The following RAVER1 variants were observed in gnomAD, a reference collection of about 807,000 sequenced individuals.
The protein encoded by RAVER1 is ribonucleoprotein PTB-binding 1.
In RAVER1, 36 loss-of-function variants were observed where a neutral mutation model predicts 68.4. The ratio of observed to expected loss-of-function variants is 0.53; its 90% confidence interval spans 0.40 to 0.70. The LOEUF is 0.70. RAVER1 is among the 30% of genes least tolerant of loss of function. The pLI is 0.00. For missense variants in RAVER1, 933 were observed against 1,019.8 expected (o/e 0.91, Z 1.16); for synonymous variants, 469 against 472.7 (o/e 0.99, Z 0.10).
At position 10,328,571 on chromosome 19, in the gene RAVER1, G is replaced by T; in HGVS notation, c.756+71C>A. 2.0e-6 allele frequency: 2 copies of T among 1,009,608 alleles called. No homozygotes were observed. The highest frequency in any genetic ancestry group is 1.7e-5 in the South Asian group (1 of 60,088). 62.5% of individuals were successfully genotyped at this position (1,009,608 alleles called of 1,614,324 possible). ...TCTCAAAAAAAAAAAAGAAAAGGCA[G>T]ATGACTCCAAAGACTCTCTCAGGTG... On this transcript the variant is annotated intron_variant, in intron 3 of 12. Transcript: ENST00000617231. The surrounding 1 kb of genome is among the most constrained non-coding windows in gnomAD (Gnocchi z 4.4).
At chr19:10,332,394 T>G (rs940036962) in intron 1 of RAVER1, among the ~76,000 whole-genome samples, 2 of 152,198 alleles carry the variant, frequency 1.3e-5, no homozygotes, top group African/African-American at 4.8e-5. Context: ...GCTGAGAGAC[T>G]GCAGACACTG....
At chr19:10,325,148 GTAGCTGGGAT>G in intron 3 of RAVER1, among the ~76,000 whole-genome samples, 1 of 152,072 alleles carries the variant, frequency 6.6e-6, no homozygotes, top group East Asian at 1.9e-4. Context: ...AGCTTCCCGA[GTAGCTGGGAT>G]TAAAGGCACC....
chr19:10,330,365 G>A (rs544101240), intron 2 of RAVER1, 95 bp downstream of exon 2: 1 of 658,648 alleles, frequency 1.5e-6, no homozygotes, highest in South Asian at 1.7e-5. Flanking sequence ...GGGCAATACT[G>A]GGCCTGAAGC....
At chr19:10,318,118 C>T (rs1599297449) in intron 11 of RAVER1, 111 bp downstream of exon 11, 1 of 940,642 alleles carries the variant, frequency 1.1e-6, no homozygotes, top group Non-Finnish European at 1.6e-6. Flanking sequence ...CCAACCCCTG[C>T]CACCACCCCA....
intron 3 of RAVER1, among the ~76,000 whole-genome samples, chr19:10,325,637 C>T (rs185363922): frequency 1.7e-3 from 262 of 152,222 alleles, no homozygotes; most frequent in African/African-American, 5.8e-3. Flanking sequence ...CCACTGTGCC[C>T]GGCCTCTACA....
Position 10,322,030 on chromosome 19 carries a change from A to G in RAVER1, c.1174-412T>C, listed in dbSNP as rs1032695581. The G allele has an allele frequency of 1.2e-5, 2 of 164,298 alleles. No individual in the cohort carries two copies. Among genetic ancestry groups the G allele is most frequent in the African/African-American group, 4.8e-5 (2 of 41,622 alleles). 10.2% of individuals were successfully genotyped at this position (164,298 alleles called of 1,614,324 possible). Reference sequence around the variant, plus strand: ...CAGGACGGAGCATGGGTGTATGTCTATGTGTGTGTGTGTCTGTGTGTGTGT... The same window carrying G: ...CAGGACGGAGCATGGGTGTATGTCTGTGTGTGTGTGTGTCTGTGTGTGTGT... On this transcript the variant is annotated intron_variant, in intron 6 of 12. Transcript: ENST00000617231. The surrounding 1 kb of genome is among the most constrained non-coding windows in gnomAD (Gnocchi z 4.3).
In RAVER1 at chr19:10,333,436, G is replaced by T. The variant is rs561755740; in HGVS notation, c.72C>A (p.Gly24=). 5 of 1,613,056 alleles carry T rather than the reference G, an allele frequency of 3.1e-6. No individual in the cohort carries two copies. The highest frequency in any genetic ancestry group is 1.1e-5 in the South Asian group (1 of 91,082). ...CCGGCGCCCGGCGCTCCGCGGCATC[G>T]CCGGCTTCGACTTCGGCCCCAGACT... The part of the protein sequence containing the change: ...SPKSGAEVEA[G]DAAERRAPEE... Residue 24 remains glycine, a synonymous_variant, in exon 1 of 13, where the codon GGC becomes GGA. Transcript: ENST00000617231. This position sits in a 1 kb window ranked among gnomAD's most constrained non-coding sequence, Gnocchi z 4.2.
intron 1 of RAVER1, among the ~76,000 whole-genome samples, chr19:10,331,110 G>A (rs906829978): frequency 3.3e-5 from 5 of 151,022 alleles, no homozygotes; most frequent in African/African-American, 1.2e-4. Context: ...AGCACTTTGG[G>A]AGGCCGAGGC....
chr19:10,324,886 T>C (rs1432422992), intron 3 of RAVER1, among the ~76,000 whole-genome samples: 3 of 152,166 alleles, frequency 2.0e-5, no homozygotes, highest in Admixed American at 6.5e-5. Context: ...CATCAGATGC[T>C]CAACAAATGT....
chr19:10,320,985 C>G, intron 8 of RAVER1, 34 bp from the exon 9 acceptor site: 1 of 1,483,928 alleles, frequency 6.7e-7, no homozygotes, highest in South Asian at 1.4e-5. Context: ...AGAGGGCCCC[C>G]GGGAGAGGGA....
chr19:10,319,464 C>T (rs1313084603), intron 9 of RAVER1, among the ~76,000 whole-genome samples: 1 of 152,262 alleles, frequency 6.6e-6, no homozygotes, highest in Non-Finnish European at 1.5e-5. Flanking sequence ...GCTGGGAATT[C>T]GAGCTGTGTG....
chr19:10,319,031 T>G, intron 10 of RAVER1, 135 bp downstream of exon 10: 80 of 754,802 alleles, frequency 1.1e-4, no homozygotes, highest in Non-Finnish European at 1.5e-4. Context: ...GGCAACACAG[T>G]GAGATCCTGT....
At position 10,332,144 on chromosome 19, in the gene RAVER1, A is replaced by G. The variant is rs531053924; in HGVS notation, c.219+1145T>C. Among the ~76,000 whole-genome samples, 4 of 152,184 alleles carry G rather than the reference A, an allele frequency of 2.6e-5. No homozygotes were observed. The South Asian group carries it at 8.3e-4, about 32-fold the overall frequency. ...TGCGTAGCTGGGACTACAGGCACGC[A>G]CCACCATGCCTGGCTAATTTTTAAA... is the stretch of plus-strand genomic sequence containing the variant. On this transcript the variant is annotated intron_variant, in intron 1 of 12. Transcript: ENST00000617231.
chr19:10,321,359 C>T, intron 7 of RAVER1, 100 bp from the exon 8 acceptor site: 3 of 801,684 alleles, frequency 3.7e-6, no homozygotes, highest in Non-Finnish European at 5.1e-6. Flanking sequence ...GGTCAAGAGA[C>T]AAATCCATGC....
At position 10,329,135 on chromosome 19, in the gene RAVER1, G is replaced by A. The variant is rs540487774; in HGVS notation, c.287-24C>T. On this transcript the variant is annotated intron_variant, in intron 2 of 12. Coordinates refer to ENST00000617231, the MANE Select transcript of RAVER1 (RefSeq NM_133452.3). The surrounding 1 kb of genome is among the most constrained non-coding windows in gnomAD (Gnocchi z 4.6). ...GGCTGCGGTGGGAGGAGGGCAGTGCGAGGTCAGCCGGGCCCTGAGGGCCTG... is the reference window on the plus strand; with the variant it reads ...GGCTGCGGTGGGAGGAGGGCAGTGCAAGGTCAGCCGGGCCCTGAGGGCCTG... 1.8e-5 allele frequency: 25 copies of A among 1,398,618 alleles called. No homozygotes were observed. Among genetic ancestry groups the A allele is most frequent in the African/African-American group, 2.9e-5 (2 of 68,878 alleles). 86.6% of individuals were successfully genotyped at this position (1,398,618 alleles called of 1,614,324 possible).
At position 10,333,365 on chromosome 19, in the gene RAVER1, A is replaced by C. The variant is rs1020533578; in HGVS notation, c.143T>G (p.Leu48Arg). The C allele has an allele frequency of 8.7e-6, 14 of 1,613,878 alleles. No individual in the cohort carries two copies. The highest frequency in any genetic ancestry group is 1.2e-5 in the Non-Finnish European group (14 of 1,179,810). ...ACGGAACTGGCGCTCGGTGTGTTCC[A>C]GGCGTTTCCGGATCTCTTCTGGATC... is the stretch of plus-strand genomic sequence containing the variant. ...PLDPEEIRKRLEHTERQFRNR... is the reference protein window; with the variant it reads ...PLDPEEIRKRREHTERQFRNR... The change falls in exon 1 of 13, where the codon CTG (leucine) becomes CGG (arginine). Residue 48 changes from leucine to arginine, a missense_variant. By Grantham distance (102) the Leu-to-Arg change is moderately radical. Transcript: ENST00000617231. The surrounding 1 kb of genome is among the most constrained non-coding windows in gnomAD (Gnocchi z 4.2).
Position 10,320,676 on chromosome 19 carries a change from G to A in RAVER1, c.1749C>T (p.Ser583=). 6.4e-7 allele frequency: 1 copy of A among 1,556,426 alleles called. No individual in the cohort carries two copies. Among genetic ancestry groups the A allele is most frequent in the Non-Finnish European group, 8.7e-7 (1 of 1,155,262 alleles). The change falls in exon 9 of 13, where the codon AGC becomes AGT. Residue 583 remains serine, a synonymous_variant. Coordinates refer to ENST00000617231, the MANE Select transcript of RAVER1 (RefSeq NM_133452.3). ...TCACCGAGGGGTAGTCGAAGCTGTA[G>A]CTGTCAGACAGTCCTGGTTCGGGGG... ...RLPPEPGLSD[S]YSFDYPSDMG...
At chr19:10,327,106 A>C (rs1000737969) in intron 3 of RAVER1, among the ~76,000 whole-genome samples, 4 of 151,794 alleles carry the variant, frequency 2.6e-5, no homozygotes, top group African/African-American at 9.7e-5. Flanking sequence ...GTGTCCCACT[A>C]TCTTGCCCAG....
Position 10,317,637 on chromosome 19 carries a change from C to G in RAVER1, c.2074-37G>C. 1 of 1,550,464 alleles carries G rather than the reference C, an allele frequency of 6.4e-7. No individual in the cohort carries two copies. The highest frequency in any genetic ancestry group is 8.8e-7 in the Non-Finnish European group (1 of 1,142,188). Reference sequence around the variant, plus strand: ...GGGCAGGGCGGGGCGGGTCAGGGGCCGCTGGGGGGCCGGGGCTTCCCAGCC... The same window carrying G: ...GGGCAGGGCGGGGCGGGTCAGGGGCGGCTGGGGGGCCGGGGCTTCCCAGCC... On this transcript the variant is annotated intron_variant, in intron 12 of 12. Coordinates refer to ENST00000617231, the MANE Select transcript of RAVER1 (RefSeq NM_133452.3). This position sits in a 1 kb window ranked among gnomAD's most constrained non-coding sequence, Gnocchi z 4.3.
Sources: allele counts gnomAD v4.1 joint callset (sites outside exome capture counted in the v4.1 genomes callset), GRCh38; gene constraint gnomAD v4.1.1; non-coding constraint Gnocchi (gnomAD v3.1); transcripts MANE v1.5; gene names NCBI Gene and HGNC (gene_info 2026-07-23, HGNC 2026-07-21).